The following RSBN1 variants were observed in gnomAD, a reference collection of about 807,000 sequenced individuals.
RSBN1 encodes round spermatid basic protein 1.
Under a neutral mutation model 74.8 loss-of-function variants are expected in RSBN1, and 23 were observed. That is an observed-to-expected ratio of 0.31 (90% confidence interval 0.22 to 0.44). The LOEUF (loss-of-function observed/expected upper bound fraction) is 0.44. Ranked by LOEUF, RSBN1 falls within the 20% of genes least tolerant of loss-of-function variation. The probability of loss-of-function intolerance (pLI) is 1.00; values close to 1 mark genes in which losing one functional copy is unlikely to be tolerated. For missense variants in RSBN1, 808 were observed against 1,020.9 expected (o/e 0.79, Z 2.84); for synonymous variants, 407 against 379.6 (o/e 1.07, Z -0.84).
Position 113,765,912 on chromosome 1 carries a change from C to A in RSBN1, c.*68G>T. 1 of 1,156,158 alleles carries A rather than the reference C, an allele frequency of 8.6e-7. No homozygotes were observed. The highest frequency in any genetic ancestry group is 1.2e-6 in the Non-Finnish European group (1 of 820,356). 71.6% of individuals were successfully genotyped at this position (1,156,158 alleles called of 1,614,324 possible). ...TTCTCCAATAAAACTTAACTTAAGC[C>A]AGTTATAAAACTATAACTTCACATC... On this transcript the variant is annotated 3_prime_UTR_variant, in exon 7 of 7. Coordinates refer to ENST00000261441, the MANE Select transcript of RSBN1 (RefSeq NM_018364.5).
rs150890522 is a variant in RSBN1, at chr1:113,794,327, T to C, written c.1377+3036A>G. 3.3e-5 allele frequency among the ~76,000 whole-genome samples: 5 copies of C among 152,354 alleles called. No individual in the cohort carries two copies. The East Asian group carries it at 9.6e-4, about 29-fold the overall frequency. ...CAATTCCATCCTCCACACTATTATG[T>C]AATCTTTGCAAACATAAATGGATAG... is the stretch of plus-strand genomic sequence containing the variant. On this transcript the variant is annotated intron_variant, in intron 2 of 6. Coordinates refer to ENST00000261441, the MANE Select transcript of RSBN1 (RefSeq NM_018364.5).
chr1:113,785,948 A>C (rs1660234535), intron 2 of RSBN1, among the ~76,000 whole-genome samples: 1 of 152,250 alleles, frequency 6.6e-6, no homozygotes, highest in African/African-American at 2.4e-5. Flanking sequence ...GAAAAGAAGG[A>C]AAGTTACCCA....
At chr1:113,772,378 G>A (rs933469606) in intron 4 of RSBN1, among the ~76,000 whole-genome samples, 1 of 151,390 alleles carries the variant, frequency 6.6e-6, no homozygotes, top group African/African-American at 2.4e-5. Flanking sequence ...ATATACACAA[G>A]ATTAAAAAAA....
chr1:113,796,706 AACTT>A (rs1660479449), intron 2 of RSBN1, among the ~76,000 whole-genome samples: 1 of 152,214 alleles, frequency 6.6e-6, no homozygotes, highest in Admixed American at 6.5e-5. Flanking sequence ...ACACATTATT[AACTT>A]CTTATTCCCT....
chr1:113,805,582 T>C (rs75453168), intron 1 of RSBN1, among the ~76,000 whole-genome samples: 4,341 of 152,328 alleles, frequency 0.028, 213 homozygotes, highest in African/African-American at 0.099. Flanking sequence ...AATTGAGTTC[T>C]GTATTCAGCT....
At chr1:113,804,622 A>T (rs1660664023) in intron 1 of RSBN1, among the ~76,000 whole-genome samples, 1 of 152,178 alleles carries the variant, frequency 6.6e-6, no homozygotes, top group South Asian at 2.1e-4. Flanking sequence ...ACTTCAACAA[A>T]TATCTTACTT....
intron 4 of RSBN1, among the ~76,000 whole-genome samples, chr1:113,774,097 ATACTT>A (rs1169924942): frequency 1.3e-5 from 2 of 152,190 alleles, no homozygotes; most frequent in Admixed American, 1.3e-4. Flanking sequence ...TATGCTCTAT[ATACTT>A]TACATCTGAC....
chr1:113,804,691 C>T (rs529360719), intron 1 of RSBN1, among the ~76,000 whole-genome samples: 1 of 152,170 alleles, frequency 6.6e-6, no homozygotes, highest in African/African-American at 2.4e-5. Context: ...TCAGGGTGAG[C>T]AGGGAAAAAT....
intron 1 of RSBN1, among the ~76,000 whole-genome samples, chr1:113,806,155 G>A (rs1190098457): frequency 1.3e-5 from 2 of 152,024 alleles, no homozygotes; most frequent in Admixed American, 1.3e-4. Flanking sequence ...GGCCAACATG[G>A]TGAAACCCCA....
rs756406972 is a variant in RSBN1 at position 113,783,993 on chromosome 1, T to C, written c.1378-6185A>G. On this transcript the variant is annotated intron_variant, in intron 2 of 6. Transcript: ENST00000261441. ...CATTGCACAGAGATATCATCTGGGG[T>C]GTGATCTCCCGATCTGGCCTAAAAA... Among the ~76,000 whole-genome samples, 208 of 152,228 alleles carry C rather than the reference T, an allele frequency of 1.4e-3. 7 individuals carry two copies. Among genetic ancestry groups the C allele is most frequent in the Middle Eastern group, 6.8e-3 (2 of 294 alleles).
intron 4 of RSBN1, among the ~76,000 whole-genome samples, chr1:113,776,891 C>T (rs17462614): frequency 0.22 from 32,931 of 151,380 alleles, 4,483 homozygotes; most frequent in South Asian, 0.38. Context: ...TCGGTATGGC[C>T]GGAGAAGACT....
chr1:113,768,696 T>TCA (rs1659831628), intron 4 of RSBN1, among the ~76,000 whole-genome samples: 2 of 152,138 alleles, frequency 1.3e-5, no homozygotes, highest in South Asian at 4.1e-4. Context: ...TTCTTTACCC[T>TCA]CATTCATCTT....
intron 2 of RSBN1, among the ~76,000 whole-genome samples, chr1:113,783,052 A>C (rs116399467): frequency 0.014 from 2,174 of 152,306 alleles, 60 homozygotes; most frequent in African/African-American, 0.048. Context: ...AGAAAATACT[A>C]TCTGGTCCTT....
At position 113,766,132 on chromosome 1, in the gene RSBN1, A is replaced by C; in HGVS notation, c.2257T>G (p.Leu753Val). 6.2e-7 allele frequency: 1 copy of C among 1,614,080 alleles called. No individual in the cohort carries two copies. Among genetic ancestry groups the C allele is most frequent in the Non-Finnish European group, 8.5e-7 (1 of 1,179,972 alleles). Reference protein sequence around the residue: ...SEEACTEIQLLTTASSSFPPA... With the variant: ...SEEACTEIQLVTTASSSFPPA... ...GGGAAAGATGATGAAGCAGTTGTTAACAGCTGAATCTCTGTGCATGCTTCT... is the reference window on the plus strand; with the variant it reads ...GGGAAAGATGATGAAGCAGTTGTTACCAGCTGAATCTCTGTGCATGCTTCT... The change falls in exon 7 of 7, where the codon TTA becomes GTA. Residue 753 changes from leucine to valine, a missense_variant. By Grantham distance (32) the Leu-to-Val change is conservative (BLOSUM62 1). This residue lies in a region of RSBN1 where 91 missense variants were observed against 99.6 expected (regional missense o/e 0.91). Transcript: ENST00000261441.
intron 1 of RSBN1, among the ~76,000 whole-genome samples, chr1:113,809,725 T>A (rs1454605727): frequency 6.6e-6 from 1 of 152,224 alleles, no homozygotes; most frequent in African/African-American, 2.4e-5. Flanking sequence ...CTTCTTCACA[T>A]GTTGGCAAAC....
At chr1:113,776,530 T>C (rs1462483814) in intron 4 of RSBN1, among the ~76,000 whole-genome samples, 1 of 152,122 alleles carries the variant, frequency 6.6e-6, no homozygotes, top group Admixed American at 6.5e-5. Flanking sequence ...GAAAATGTAT[T>C]AAGTTTGCTG....
intron 2 of RSBN1, among the ~76,000 whole-genome samples, chr1:113,793,265 G>C (rs905418115): frequency 6.6e-6 from 1 of 152,268 alleles, no homozygotes; most frequent in Middle Eastern, 3.4e-3. Flanking sequence ...ACTTTTAGTA[G>C]CAAGGTTCTA....
At chr1:113,803,625 A>G (rs1466812281) in intron 1 of RSBN1, among the ~76,000 whole-genome samples, 1 of 152,224 alleles carries the variant, frequency 6.6e-6, no homozygotes, top group Non-Finnish European at 1.5e-5. Context: ...TAAATACTCA[A>G]TACATCATAA....
chr1:113,790,128 C>T (rs931018078), intron 2 of RSBN1, among the ~76,000 whole-genome samples: 3 of 151,808 alleles, frequency 2.0e-5, no homozygotes, highest in Admixed American at 6.6e-5. Context: ...AGCAGAAATT[C>T]GCTTAATATA....
Sources: allele counts gnomAD v4.1 joint callset (sites outside exome capture counted in the v4.1 genomes callset), GRCh38; gene constraint gnomAD v4.1.1; regional missense constraint gnomAD v4.1.1; transcripts MANE v1.5; gene names NCBI Gene and HGNC (gene_info 2026-07-23, HGNC 2026-07-21).